Variants in MED13L observed in about 807,000 individuals in gnomAD.
The protein encoded by MED13L is mediator complex subunit 13L.
Under a neutral mutation model 220.9 loss-of-function variants are expected in MED13L, and 7 were observed. That is an observed-to-expected ratio of 0.03 (90% confidence interval 0.02 to 0.06). The LOEUF (loss-of-function observed/expected upper bound fraction) is 0.06, where lower values mean the gene tolerates loss of function less well. MED13L is among the 10% of genes least tolerant of loss of function. MED13L has a pLI of 1.00. For missense variants in MED13L, 1,965 were observed against 2,760.5 expected (o/e 0.71, Z 6.46); for synonymous variants, 1,011 against 1,015.2 (o/e 1.00, Z 0.08).
chr12:116,120,019 C>G (rs1278568108), intron 2 of MED13L, among the ~76,000 whole-genome samples: 2 of 151,548 alleles, frequency 1.3e-5, no homozygotes, highest in African/African-American at 4.9e-5. Flanking sequence ...CAAGGGGAAG[C>G]AATTTATTTT....
intron 4 of MED13L, among the ~76,000 whole-genome samples, chr12:116,031,638 G>A (rs1356589330): frequency 2.5e-5 from 3 of 121,302 alleles, no homozygotes; most frequent in African/African-American, 6.3e-5. Flanking sequence ...GGAGGGGAGG[G>A]GAGGGGGGAC....
chr12:116,145,729 G>T (rs1877447475), intron 2 of MED13L, among the ~76,000 whole-genome samples: 1 of 149,936 alleles, frequency 6.7e-6, no homozygotes, highest in African/African-American at 2.5e-5. Context: ...GTCTTGCTAA[G>T]TAGCCTTGGC....
intron 1 of MED13L, among the ~76,000 whole-genome samples, chr12:116,271,196 A>C (rs1873302150): frequency 6.6e-6 from 1 of 151,922 alleles, no homozygotes; most frequent in African/African-American, 2.4e-5. Flanking sequence ...AGTCTTATGA[A>C]ACAAATACGT....
intron 2 of MED13L, among the ~76,000 whole-genome samples, chr12:116,170,519 T>G (rs937189880): frequency 2.0e-5 from 3 of 151,966 alleles, no homozygotes; most frequent in Non-Finnish European, 2.9e-5. Flanking sequence ...GATTCATGTA[T>G]ACCTGCCATT....
Position 116,147,934 on chromosome 12 carries a change from C to G in MED13L, c.311-36422G>C, listed in dbSNP as rs1215216482. Among the ~76,000 whole-genome samples the G allele has an allele frequency of 4.7e-5, 7 of 149,170 alleles. No individual in the cohort carries two copies. The Admixed American group carries it at 4.7e-4, about 10-fold the overall frequency. Reference sequence around the variant, plus strand: ...TGGTGGCGTGCACCTGTAATCCCAGCTACTTGGGAGGCTTAGGCAGGAGAA... The same window carrying G: ...TGGTGGCGTGCACCTGTAATCCCAGGTACTTGGGAGGCTTAGGCAGGAGAA... On this transcript the variant is annotated intron_variant, in intron 2 of 30. Transcript: ENST00000281928.
At chr12:116,138,239 T>C (rs1876751179) in intron 2 of MED13L, among the ~76,000 whole-genome samples, 1 of 152,250 alleles carries the variant, frequency 6.6e-6, no homozygotes, top group African/African-American at 2.4e-5. Flanking sequence ...AAATAAATTT[T>C]ATAAAACATA....
chr12:116,061,909 G>A (rs1378949557), intron 4 of MED13L, among the ~76,000 whole-genome samples: 1 of 150,404 alleles, frequency 6.6e-6, no homozygotes, highest in Non-Finnish European at 1.5e-5. Context: ...TCAGGAGGCT[G>A]AGGCAGGAGA....
At chr12:116,002,789 C>T (rs191918986) in intron 14 of MED13L, among the ~76,000 whole-genome samples, 1 of 152,248 alleles carries the variant, frequency 6.6e-6, no homozygotes, top group East Asian at 1.9e-4. Context: ...AACTGGAAAA[C>T]AAAGGAAAGG....
At chr12:116,249,497 T>C (rs1195196440) in intron 1 of MED13L, among the ~76,000 whole-genome samples, 1 of 152,012 alleles carries the variant, frequency 6.6e-6, no homozygotes. Context: ...ATGGGACTCA[T>C]GACTGTAAGA....
At chr12:116,141,711 C>T (rs12304724) in intron 2 of MED13L, among the ~76,000 whole-genome samples, 3,486 of 152,132 alleles carry the variant, frequency 0.023, 153 homozygotes, top group African/African-American at 0.079. Context: ...AATAGCCTCC[C>T]GTGGGACCTC....
At chr12:116,242,125 A>G (rs920307237) in intron 1 of MED13L, among the ~76,000 whole-genome samples, 1 of 145,254 alleles carries the variant, frequency 6.9e-6, no homozygotes, top group Non-Finnish European at 1.5e-5. Context: ...GATCTTGGCA[A>G]CCTCCCCCTC....
chr12:116,004,787 A>T (rs749261464), intron 13 of MED13L, among the ~76,000 whole-genome samples: 6 of 152,162 alleles, frequency 3.9e-5, no homozygotes, highest in Non-Finnish European at 8.8e-5. Context: ...CTAAGTACTT[A>T]TAACAGTAAT....
intron 3 of MED13L, among the ~76,000 whole-genome samples, chr12:116,097,054 G>T (rs997059302): frequency 6.6e-6 from 1 of 152,030 alleles, no homozygotes; most frequent in Non-Finnish European, 1.5e-5. Flanking sequence ...TCACACTTCT[G>T]CATAATTTCA....
At chr12:116,071,626 A>T (rs971656265) in intron 4 of MED13L, among the ~76,000 whole-genome samples, 2 of 152,330 alleles carry the variant, frequency 1.3e-5, no homozygotes, top group East Asian at 1.9e-4. Context: ...CACTATGTTC[A>T]ACTACAGTGC....
At chr12:116,248,104 C>T (rs373138596) in intron 1 of MED13L, among the ~76,000 whole-genome samples, 7 of 152,116 alleles carry the variant, frequency 4.6e-5, no homozygotes, top group South Asian at 2.1e-4. Flanking sequence ...GCTATCTAGC[C>T]GCACATTCAA....
chr12:116,081,221 TC>T (rs1421763908), intron 4 of MED13L, among the ~76,000 whole-genome samples: 1 of 152,212 alleles, frequency 6.6e-6, no homozygotes, highest in Admixed American at 6.5e-5. Flanking sequence ...TCCTAACTAG[TC>T]TAATGCTCCT....
chr12:115,983,973 T>C (rs2137277263), intron 20 of MED13L, among the ~76,000 whole-genome samples: 1 of 152,356 alleles, frequency 6.6e-6, no homozygotes, highest in South Asian at 2.1e-4. Flanking sequence ...TAATTAGACA[T>C]GATTAGGCAA....
chr12:116,072,055 C>T (rs751269350), intron 4 of MED13L, among the ~76,000 whole-genome samples: 5 of 152,122 alleles, frequency 3.3e-5, no homozygotes, highest in Admixed American at 6.5e-5. Flanking sequence ...TGCAACTTCC[C>T]GCATTTGTAA....
At chr12:116,189,508 A>G (rs950539693) in intron 2 of MED13L, among the ~76,000 whole-genome samples, 2 of 152,176 alleles carry the variant, frequency 1.3e-5, no homozygotes, top group East Asian at 1.9e-4. Context: ...AAATTTTGAT[A>G]AAGTCCAACT....
Sources: gnomAD v4.1 joint callset for allele counts (sites outside exome capture counted in the v4.1 genomes callset) on GRCh38, gnomAD v4.1.1 for gene constraint, MANE v1.5 for transcripts, NCBI Gene and HGNC (gene_info 2026-07-23, HGNC 2026-07-21) for gene names.